Variants in TMCO5A observed in about 807,000 individuals in gnomAD.
TMCO5A encodes transmembrane and coiled-coil domains 5A.
Under a neutral mutation model 42.3 loss-of-function variants are expected in TMCO5A, and 34 were observed. That is an observed-to-expected ratio of 0.80 (90% confidence interval 0.61 to 1.07). The LOEUF (loss-of-function observed/expected upper bound fraction) is 1.07. TMCO5A is among the 50% of genes least tolerant of loss of function. The pLI is 0.00. For missense variants in TMCO5A, 357 were observed against 327.9 expected (o/e 1.09, Z -0.69); for synonymous variants, 131 against 115.6 (o/e 1.13, Z -0.86).
At position 37,951,061 on chromosome 15, in the gene TMCO5A, AC is replaced by A. The variant is rs753790482; in HGVS notation, c.697del (p.Leu233TyrfsTer7). The A allele has an allele frequency of 2.5e-6, 4 of 1,611,464 alleles. No individual in the cohort carries two copies. The East Asian group carries it at 8.9e-5, about 36-fold the overall frequency. On this transcript the variant is annotated frameshift_variant, in exon 12 of 12. Transcript: ENST00000319669. LOFTEE classifies it high-confidence loss of function. ...GATTTTTTGCTGTCTCTTTTTCATC[AC>A]CCTATTTTTCATCAGACTGCTGAGC... ...KKIFCCLFFI[T>X]LFFIRLLSYM... is the part of the protein sequence containing the mutation.
chr15:38,025,019 G>A, the TMCO5A span: 1 of 152,252 alleles, frequency 6.6e-6, no homozygotes, highest in Non-Finnish European at 1.5e-5. Flanking sequence ...TTGTTCATAA[G>A]CCACATAGTT....
chr15:37,984,937 A>G, the TMCO5A span: 1 of 151,602 alleles, frequency 6.6e-6, no homozygotes, highest in Non-Finnish European at 1.5e-5. Context: ...TGGAAGAAAG[A>G]AAGAGTCATG....
At chr15:37,968,520 C>T (rs1319066808), downstream of TMCO5A, among the ~76,000 whole-genome samples, 11 of 151,948 alleles carry the variant, frequency 7.2e-5, no homozygotes, top group Admixed American at 7.2e-4. Context: ...ACGGTCAAAC[C>T]TGAGTTTTCT....
chr15:37,999,823 T>C, the TMCO5A span, among the ~76,000 whole-genome samples: 9 of 152,220 alleles, frequency 5.9e-5, no homozygotes, highest in Non-Finnish European at 1.0e-4. Flanking sequence ...TAATGTATCA[T>C]GCTGATTGAT....
downstream of TMCO5A, among the ~76,000 whole-genome samples, chr15:37,953,739 G>A (rs985695016): frequency 6.6e-6 from 1 of 151,934 alleles, no homozygotes; most frequent in African/African-American, 2.4e-5. Context: ...GACCAATCCT[G>A]GAGAAACAGA....
chr15:38,009,157 G>A, the TMCO5A span, among the ~76,000 whole-genome samples: 17 of 152,254 alleles, frequency 1.1e-4, no homozygotes, highest in South Asian at 2.1e-4. Flanking sequence ...AATCCATTAC[G>A]TATCTTCTCA....
intron 1 of TMCO5A, among the ~76,000 whole-genome samples, chr15:37,934,995 C>T (rs1435078280): frequency 1.3e-5 from 2 of 152,100 alleles, no homozygotes; most frequent in Non-Finnish European, 2.9e-5. Flanking sequence ...TGTTGATAAA[C>T]CATCTCTGAC....
At chr15:37,937,983 A>G (rs1456582201) in intron 5 of TMCO5A, among the ~76,000 whole-genome samples, 175 bp from the exon 6 acceptor site, 1 of 152,128 alleles carries the variant, frequency 6.6e-6, no homozygotes, top group Non-Finnish European at 1.5e-5. Flanking sequence ...GGCCAAGACT[A>G]GTGAGAAGAA....
chr15:37,953,472 G>T (rs915382977), downstream of TMCO5A, among the ~76,000 whole-genome samples: 1 of 152,100 alleles, frequency 6.6e-6, no homozygotes, highest in African/African-American at 2.4e-5. Flanking sequence ...CCATCAAGGT[G>T]GTACCTCTAC....
At chr15:37,946,749 T>G (rs181668827) in intron 10 of TMCO5A, among the ~76,000 whole-genome samples, 201 of 151,426 alleles carry the variant, frequency 1.3e-3, no homozygotes, top group Non-Finnish European at 2.5e-3. Flanking sequence ...AAGATGCTTT[T>G]GGACTGAGAT....
chr15:37,989,844 G>T, the TMCO5A span, among the ~76,000 whole-genome samples: 1 of 151,980 alleles, frequency 6.6e-6, no homozygotes, highest in Non-Finnish European at 1.5e-5. Flanking sequence ...CACAGCATAG[G>T]AGCAGAAGAA....
At chr15:38,033,913 C>T in the TMCO5A span, among the ~76,000 whole-genome samples, 4 of 152,118 alleles carry the variant, frequency 2.6e-5, no homozygotes, top group Admixed American at 1.3e-4. Context: ...CACACCTGGT[C>T]CCCCTCCATG....
chr15:37,940,031 T>C (rs1038625740), intron 6 of TMCO5A, among the ~76,000 whole-genome samples: 1 of 152,128 alleles, frequency 6.6e-6, no homozygotes, highest in Non-Finnish European at 1.5e-5. Context: ...CTACCACTTC[T>C]GTTACTACTA....
At chr15:38,014,321 A>G in the TMCO5A span, among the ~76,000 whole-genome samples, 3 of 152,030 alleles carry the variant, frequency 2.0e-5, no homozygotes, top group African/African-American at 7.2e-5. Context: ...AAGAATTTCA[A>G]AACCTCCCTG....
intron 11 of TMCO5A, among the ~76,000 whole-genome samples, chr15:37,950,823 C>G (rs994393443): frequency 6.6e-6 from 1 of 152,006 alleles, no homozygotes; most frequent in Non-Finnish European, 1.5e-5. Flanking sequence ...GTGACAAATG[C>G]TACCCAGAAA....
chr15:38,001,851 T>A, the TMCO5A span, among the ~76,000 whole-genome samples: 1 of 152,228 alleles, frequency 6.6e-6, no homozygotes, highest in East Asian at 1.9e-4. Context: ...GTTGTTCCTA[T>A]TTATATCTTA....
the TMCO5A span, among the ~76,000 whole-genome samples, chr15:38,028,941 A>G: frequency 5.3e-5 from 8 of 152,308 alleles, no homozygotes; most frequent in East Asian, 1.5e-3. Flanking sequence ...AAAACAAGAA[A>G]GTCAGAAAAA....
At chr15:37,948,098 A>G (rs1023479435) in intron 11 of TMCO5A, among the ~76,000 whole-genome samples, 2 of 152,096 alleles carry the variant, frequency 1.3e-5, no homozygotes, top group Non-Finnish European at 2.9e-5. Flanking sequence ...ACCACTGTCT[A>G]ATAAGAGATA....
downstream of TMCO5A, among the ~76,000 whole-genome samples, chr15:37,954,926 T>A (rs897480777): frequency 1.3e-5 from 2 of 151,354 alleles, no homozygotes; most frequent in African/African-American, 4.9e-5. Context: ...CTCATGGTAA[T>A]CTCAAAAAAC....
Sources: gnomAD v4.1 joint callset for allele counts (sites outside exome capture counted in the v4.1 genomes callset) on GRCh38, gnomAD v4.1.1 for gene constraint, MANE v1.5 for transcripts, NCBI Gene and HGNC (gene_info 2026-07-23, HGNC 2026-07-21) for gene names.